The following ABCF2 variants were observed in gnomAD, a reference collection of about 807,000 sequenced individuals.
The protein encoded by ABCF2 is ATP binding cassette subfamily F member 2, also known as ATP-binding cassette sub-family F member 2.
A neutral mutation model predicts 76.9 loss-of-function variants in ABCF2; 37 were observed. That is an observed-to-expected ratio of 0.48 (90% CI 0.37 to 0.63). The LOEUF (loss-of-function observed/expected upper bound fraction) is 0.63, where lower values mean the gene tolerates loss of function less well. Among genes scored for constraint, ABCF2 ranks in the 30% least tolerant of loss-of-function variants. ABCF2 has a pLI of 0.00. For synonymous variants in ABCF2, 299 were observed against 283.7 expected (o/e 1.05, Z -0.54); for missense variants, 524 against 782.1 (o/e 0.67, Z 3.94).
At position 151,223,864 on chromosome 7, in the gene ABCF2, T is replaced by C. The variant is rs761800764; in HGVS notation, c.551-15A>G. ...CTCACACTCCGCTGTGGACAGTGTATGGCCATGAGGCTCCTGGGGGCCTTT... is the reference window on the plus strand; with the variant it reads ...CTCACACTCCGCTGTGGACAGTGTACGGCCATGAGGCTCCTGGGGGCCTTT... On this transcript the variant is annotated splice_polypyrimidine_tract_variant and intron_variant, in intron 4 of 14. Coordinates refer to ENST00000287844, the MANE Select transcript of ABCF2 (RefSeq NM_007189.3). 3.1e-6 allele frequency: 5 copies of C among 1,608,078 alleles called. No homozygotes were observed. The highest frequency in any genetic ancestry group is 1.1e-5 in the South Asian group (1 of 90,884).
At chr7:151,221,845 G>A (rs780695626) in intron 6 of ABCF2, 165 bp from the exon 7 acceptor site, 20 of 585,548 alleles carry the variant, frequency 3.4e-5, no homozygotes, top group Non-Finnish European at 5.3e-5. Context: ...CAATCTAACT[G>A]TAAGGGTATT....
intron 5 of ABCF2, 54 bp from the exon 6 acceptor site, chr7:151,222,670 C>A (rs1802294997): frequency 3.4e-6 from 5 of 1,473,050 alleles, no homozygotes; most frequent in Non-Finnish European, 4.7e-6. Context: ...GGATGTGACA[C>A]AGGACGGGAC....
chr7:151,215,538 C>T lies in ABCF2; in HGVS notation c.1530+66G>A, dbSNP rs1001112917. ...CAAACCCAGGCTGCCAGGACAGTAT[C>T]CCCTGACCCACCCAGCCACAGTCTG... is the stretch of plus-strand genomic sequence containing the variant. On this transcript the variant is annotated intron_variant, in intron 13 of 14. Transcript: ENST00000287844. The surrounding 1 kb of genome is among the most constrained non-coding windows in gnomAD (Gnocchi z 4.6). 1.3e-6 allele frequency: 2 copies of T among 1,597,310 alleles called. No individual in the cohort carries two copies. The highest frequency in any genetic ancestry group is 2.7e-5 in the African/African-American group (2 of 74,880).
Position 151,214,747 on chromosome 7 carries a change from C to T in ABCF2, c.1734+132G>A, listed in dbSNP as rs1175470141. The T allele has an allele frequency of 3.6e-6, 3 of 823,814 alleles. No individual in the cohort carries two copies. Among genetic ancestry groups the T allele is most frequent in the Non-Finnish European group, 5.8e-6 (3 of 519,574 alleles). 51.0% of individuals were successfully genotyped at this position (823,814 alleles called of 1,614,324 possible). On this transcript the variant is annotated intron_variant, in intron 14 of 14. Coordinates refer to ENST00000287844, the MANE Select transcript of ABCF2 (RefSeq NM_007189.3). This position sits in a 1 kb window ranked among gnomAD's most constrained non-coding sequence, Gnocchi z 4.9. Reference sequence around the variant, plus strand: ...AAGAGGCATAAGAACTGGTCCTCACCACCTGTGTCTACACTCTGAGCCCCT... The same window carrying T: ...AAGAGGCATAAGAACTGGTCCTCACTACCTGTGTCTACACTCTGAGCCCCT...
chr7:151,213,775 C>T lies in ABCF2; in HGVS notation c.*279G>A. On this transcript the variant is annotated 3_prime_UTR_variant, in exon 15 of 15. Coordinates refer to ENST00000287844, the MANE Select transcript of ABCF2 (RefSeq NM_007189.3). ...CCCGCAGGTGCCTCTGACTGCATCA[C>T]ACTCAGAGTAAGATAACCAGCAAGG... The T allele has an allele frequency of 1.6e-6, 2 of 1,231,040 alleles. No individual in the cohort carries two copies. The highest frequency in any genetic ancestry group is 2.0e-6 in the Non-Finnish European group (2 of 983,528). 76.3% of individuals were successfully genotyped at this position (1,231,040 alleles called of 1,614,324 possible). A position where few individuals can be genotyped will look rare whatever the true frequency, so the allele number is the denominator to read the frequency against.
intron 7 of ABCF2, among the ~76,000 whole-genome samples, 182 bp downstream of exon 7, chr7:151,221,396 T>C (rs915145577): frequency 6.6e-6 from 1 of 152,036 alleles, no homozygotes; most frequent in African/African-American, 2.4e-5. Flanking sequence ...GAGACAGGGT[T>C]TCACCATATT....
chr7:151,214,857 C>G lies in ABCF2; in HGVS notation c.1734+22G>C. ...ACCCCCTAGAAGCTCTGCTGTGCCTCACCCCCTGGCCAGGGCCTCACCTGC... is the reference window on the plus strand; with the variant it reads ...ACCCCCTAGAAGCTCTGCTGTGCCTGACCCCCTGGCCAGGGCCTCACCTGC... On this transcript the variant is annotated intron_variant, in intron 14 of 14. Transcript: ENST00000287844. The surrounding 1 kb of genome is among the most constrained non-coding windows in gnomAD (Gnocchi z 4.9). 1 of 1,613,284 alleles carries G rather than the reference C, an allele frequency of 6.2e-7. No homozygotes were observed. Among genetic ancestry groups the G allele is most frequent in the Non-Finnish European group, 8.5e-7 (1 of 1,179,252 alleles).
rs1378409597 is a variant in ABCF2 at position 151,214,670 on chromosome 7, A to C, written c.1734+209T>G. Among the ~76,000 whole-genome samples, 1 of 152,240 alleles carries C rather than the reference A, an allele frequency of 6.6e-6. No individual in the cohort carries two copies. The highest frequency in any genetic ancestry group is 6.5e-5 in the Admixed American group (1 of 15,288). On this transcript the variant is annotated intron_variant, in intron 14 of 14. Transcript: ENST00000287844. The surrounding 1 kb of genome is among the most constrained non-coding windows in gnomAD (Gnocchi z 4.9). ...ATGCTAAGTTGGTTGACATCTCCAG[A>C]TAGCTACTGAAGAAATGAAGTGTTT...
At position 151,213,589 on chromosome 7, in the gene ABCF2, A is replaced by C. The variant is rs949638727; in HGVS notation, c.*465T>G. The C allele has an allele frequency of 1.8e-5, 18 of 988,556 alleles. No individual in the cohort carries two copies. Among genetic ancestry groups the C allele is most frequent in the Non-Finnish European group, 2.2e-5 (18 of 832,398 alleles). The allele number at this position is 988,556 out of a possible 1,614,324, so 61.2% of individuals were successfully genotyped here. A position where few individuals can be genotyped will look rare whatever the true frequency, so the allele number is the denominator to read the frequency against. On this transcript the variant is annotated 3_prime_UTR_variant, in exon 15 of 15. Coordinates refer to ENST00000287844, the MANE Select transcript of ABCF2 (RefSeq NM_007189.3). ...TACACTGCTAAATAATTATTTAAAA[A>C]CTGACCAGGACGAAGGTCCTGGTCC...
At chr7:151,221,801 C>A in intron 6 of ABCF2, 121 bp from the exon 7 acceptor site, 1 of 733,826 alleles carries the variant, frequency 1.4e-6, no homozygotes, top group Non-Finnish European at 2.4e-6. Context: ...TGTCCAATTC[C>A]TGGCTGTTAG....
chr7:151,218,987 T>A, intron 8 of ABCF2, 77 bp downstream of exon 8: 2 of 1,610,568 alleles, frequency 1.2e-6, no homozygotes, highest in South Asian at 1.1e-5. Context: ...TCACTACCGC[T>A]TCTCGAAATG....
At chr7:151,225,061 A>G in intron 2 of ABCF2, 73 bp from the exon 3 acceptor site, 1 of 1,359,512 alleles carries the variant, frequency 7.4e-7, no homozygotes, top group South Asian at 1.2e-5. Flanking sequence ...AACGTCCTGA[A>G]GGACCAGGCT....
At chr7:151,224,557 C>T (rs981303811) in intron 3 of ABCF2, among the ~76,000 whole-genome samples, 3 of 152,132 alleles carry the variant, frequency 2.0e-5, no homozygotes, top group South Asian at 2.1e-4. Context: ...TTCCAAGATC[C>T]GAAACACTTC....
intron 7 of ABCF2, among the ~76,000 whole-genome samples, chr7:151,219,702 T>C (rs1178517644): frequency 1.3e-5 from 2 of 152,334 alleles, no homozygotes; most frequent in East Asian, 1.9e-4. Flanking sequence ...AACGAAATAC[T>C]ATGCAGTGAC....
intron 6 of ABCF2, 191 bp from the exon 7 acceptor site, chr7:151,221,871 G>A (rs745317929): frequency 5.7e-6 from 3 of 528,682 alleles, no homozygotes; most frequent in Non-Finnish European, 1.0e-5. Flanking sequence ...GCCTTTCAGT[G>A]TGGCGAGACA....
chr7:151,213,159 AGT>A lies in ABCF2; in HGVS notation c.*893_*894del. 6.1e-6 allele frequency: 6 copies of A among 985,382 alleles called. No individual in the cohort carries two copies. The highest frequency in any genetic ancestry group is 7.2e-6 in the Non-Finnish European group (6 of 829,904). 61.0% of individuals were successfully genotyped at this position (985,382 alleles called of 1,614,324 possible). ...GCTCCTGGACAGTGGTTCTCAAAATAGTCTCTAGACCAGCAACAACAGCATCA... is the reference window on the plus strand; with the variant it reads ...GCTCCTGGACAGTGGTTCTCAAAATACTCTAGACCAGCAACAACAGCATCA... On this transcript the variant is annotated 3_prime_UTR_variant, in exon 15 of 15. Transcript: ENST00000287844.
At position 151,211,879 on chromosome 7, in the gene ABCF2, A is replaced by G. The variant is rs532631700; in HGVS notation, c.*2175T>C. 4 of 985,170 alleles carry G rather than the reference A, an allele frequency of 4.1e-6. No homozygotes were observed. The South Asian group carries it at 1.9e-4, about 46-fold the overall frequency. 61.0% of individuals were successfully genotyped at this position (985,170 alleles called of 1,614,324 possible). Reference sequence around the variant, plus strand: ...CCATCTGTCTCAGCTGCAGTGTCTCACGGGAGGCTCCTGTCCCTGTTGCCC... The same window carrying G: ...CCATCTGTCTCAGCTGCAGTGTCTCGCGGGAGGCTCCTGTCCCTGTTGCCC... On this transcript the variant is annotated 3_prime_UTR_variant, in exon 15 of 15. Transcript: ENST00000287844.
At chr7:151,222,452 C>T in intron 6 of ABCF2, 69 bp downstream of exon 6, 2 of 1,302,800 alleles carry the variant, frequency 1.5e-6, no homozygotes, top group Non-Finnish European at 1.1e-6. Context: ...AGTGCAGTTT[C>T]TGGGCATCCA....
chr7:151,224,615 A>G (rs1365390874), intron 3 of ABCF2, among the ~76,000 whole-genome samples, 161 bp downstream of exon 3: 1 of 152,232 alleles, frequency 6.6e-6, no homozygotes, highest in Non-Finnish European at 1.5e-5. Context: ...TACATAACAC[A>G]TACTGCTCTG....
Sources: allele counts gnomAD v4.1 joint callset (sites outside exome capture counted in the v4.1 genomes callset), GRCh38; gene constraint gnomAD v4.1.1; non-coding constraint Gnocchi (gnomAD v3.1); transcripts MANE v1.5; gene names NCBI Gene and HGNC (gene_info 2026-07-23, HGNC 2026-07-21).